ANO6: variants seen among roughly 807,000 people sequenced by gnomAD.
ANO6 encodes anoctamin-6.
Under a neutral mutation model 117.5 loss-of-function variants are expected in ANO6, and 106 were observed. The ratio of observed to expected loss-of-function variants is 0.90; its 90% CI spans 0.77 to 1.06. The LOEUF (loss-of-function observed/expected upper bound fraction) is 1.06. Among genes scored for constraint, ANO6 ranks in the 50% least tolerant of loss-of-function variants. The pLI is 0.00. For synonymous variants in ANO6, 367 were observed against 385.1 expected (o/e 0.95, Z 0.55); for missense variants, 955 against 1,121.1 (o/e 0.85, Z 2.12).
At chr12:45,293,196 A>G (rs1219393760) in intron 1 of ANO6, among the ~76,000 whole-genome samples, 1 of 152,224 alleles carries the variant, frequency 6.6e-6, no homozygotes, top group Admixed American at 6.5e-5. Context: ...CTGGAGTGAC[A>G]AATTTATAAT....
intron 1 of ANO6, among the ~76,000 whole-genome samples, chr12:45,252,025 A>T (rs117616755): frequency 0.015 from 2,212 of 152,272 alleles, 45 homozygotes; most frequent in East Asian, 0.068. Flanking sequence ...CTTAGGCTTT[A>T]TTATTGTTAT....
intron 1 of ANO6, among the ~76,000 whole-genome samples, chr12:45,253,983 A>G (rs755947864): frequency 6.6e-6 from 1 of 152,170 alleles, no homozygotes; most frequent in Non-Finnish European, 1.5e-5. Context: ...CCTGGCCAAC[A>G]TGGTGAAACC....
At chr12:45,318,989 T>A (rs1413830831) in intron 2 of ANO6, among the ~76,000 whole-genome samples, 3 of 152,214 alleles carry the variant, frequency 2.0e-5, no homozygotes, top group African/African-American at 7.2e-5. Context: ...TTGCTGAAGT[T>A]GCTTATCAGC....
chr12:45,216,260 C>A lies in ANO6; in HGVS notation c.-62C>A. On this transcript the variant is annotated 5_prime_UTR_variant, in exon 1 of 20. Transcript: ENST00000320560. ...GATCCGGCCCCTGGGAGAGCCGCGC[C>A]GTTCTGGAACCCGGGAGCCCCCAAC... 3.2e-6 allele frequency: 5 copies of A among 1,548,016 alleles called. No homozygotes were observed. The highest frequency in any genetic ancestry group is 4.4e-6 in the Non-Finnish European group (5 of 1,140,612).
intron 2 of ANO6, among the ~76,000 whole-genome samples, chr12:45,304,178 A>G (rs1361250484): frequency 2.0e-5 from 3 of 152,194 alleles, no homozygotes; most frequent in Non-Finnish European, 4.4e-5. Context: ...AGTAAACATA[A>G]ACTGCTGTCT....
At chr12:45,282,877 AG>A (rs1415493721) in intron 1 of ANO6, among the ~76,000 whole-genome samples, 1 of 152,214 alleles carries the variant, frequency 6.6e-6, no homozygotes, top group East Asian at 1.9e-4. Flanking sequence ...TAATAGTTTG[AG>A]GTGTATCCTT....
At chr12:45,404,541 C>T (rs942056862) in intron 15 of ANO6, among the ~76,000 whole-genome samples, 1 of 152,080 alleles carries the variant, frequency 6.6e-6, no homozygotes, top group African/African-American at 2.4e-5. Context: ...TGGGGTGAAT[C>T]TCTTTGCCTT....
intron 1 of ANO6, among the ~76,000 whole-genome samples, chr12:45,257,487 C>G (rs11182951): frequency 0.08 from 12,242 of 152,270 alleles, 731 homozygotes; most frequent in East Asian, 0.32. Context: ...CCACAAGTTG[C>G]ATCCCTTCTG....
intron 1 of ANO6, among the ~76,000 whole-genome samples, chr12:45,266,241 A>G (rs1938210226): frequency 6.6e-6 from 1 of 152,220 alleles, no homozygotes; most frequent in African/African-American, 2.4e-5. Flanking sequence ...TAGCTTAAAG[A>G]TTCTATAGGC....
intron 2 of ANO6, among the ~76,000 whole-genome samples, chr12:45,308,366 A>T (rs1939745424): frequency 6.6e-6 from 1 of 151,984 alleles, no homozygotes; most frequent in African/African-American, 2.4e-5. Context: ...AGTTCAGTAG[A>T]TTTGATAGGA....
chr12:45,440,118 A>T (rs1250899649), exon 20 of ANO6: 4 of 537,536 alleles, frequency 7.4e-6, no homozygotes, highest in Non-Finnish European at 1.1e-5. Flanking sequence ...TTATATGTAT[A>T]GTTTTTTGTT....
chr12:45,337,740 A>G (rs1438158104), intron 3 of ANO6, among the ~76,000 whole-genome samples: 1 of 152,018 alleles, frequency 6.6e-6, no homozygotes, highest in African/African-American at 2.4e-5. Context: ...AGCTGACTCT[A>G]TTTGATAATA....
chr12:45,326,003 C>T (rs1394914448), intron 2 of ANO6, among the ~76,000 whole-genome samples: 2 of 152,094 alleles, frequency 1.3e-5, no homozygotes, highest in African/African-American at 4.8e-5. Flanking sequence ...TTAAAGAATA[C>T]TGAAAATCCT....
rs2137543811 is a variant in ANO6, at chr12:45,377,436, A to G, written c.1105-617A>G. Among the ~76,000 whole-genome samples, 2 of 152,314 alleles carry G rather than the reference A, an allele frequency of 1.3e-5. 1 individual carries two copies. Among genetic ancestry groups the G allele is most frequent in the South Asian group, 4.1e-4 (2 of 4,824 alleles). On this transcript the variant is annotated intron_variant, in intron 9 of 19. Transcript: ENST00000320560. ...TTTATCATTCATGATCATTGTATTC[A>G]TTGTAATGTTAGCAAAAGCACCTCT...
At chr12:45,434,428 G>C (rs1459683807), downstream of ANO6, among the ~76,000 whole-genome samples, 1 of 152,176 alleles carries the variant, frequency 6.6e-6, no homozygotes, top group African/African-American at 2.4e-5. Flanking sequence ...ACACCGCTGG[G>C]CTTTTTCTCC....
chr12:45,314,515 G>A (rs968006514), intron 2 of ANO6, among the ~76,000 whole-genome samples: 2 of 149,950 alleles, frequency 1.3e-5, no homozygotes, highest in Admixed American at 1.3e-4. Flanking sequence ...ATACACATAT[G>A]TGTATATATC....
At chr12:45,244,402 TTG>T (rs1491397906) in intron 1 of ANO6, among the ~76,000 whole-genome samples, 2 of 105,618 alleles carry the variant, frequency 1.9e-5, no homozygotes, top group African/African-American at 8.7e-5. Flanking sequence ...GCTTCTCTAT[TTG>T]GGGGGGGGGG....
intron 12 of ANO6, among the ~76,000 whole-genome samples, chr12:45,399,227 C>T (rs58221634): frequency 0.032 from 4,931 of 152,110 alleles, 246 homozygotes; most frequent in African/African-American, 0.11. Flanking sequence ...GACAGGTTCT[C>T]GCTCTGTCGC....
At chr12:45,253,885 G>A (rs574813239) in intron 1 of ANO6, among the ~76,000 whole-genome samples, 116 of 152,258 alleles carry the variant, frequency 7.6e-4, no homozygotes, top group African/African-American at 2.7e-3. Context: ...AGGAAAGTTC[G>A]CCACGGAGTG....
Sources: gnomAD v4.1 joint callset for allele counts (sites outside exome capture counted in the v4.1 genomes callset) on GRCh38, gnomAD v4.1.1 for gene constraint, MANE v1.5 for transcripts, NCBI Gene and HGNC (gene_info 2026-07-23, HGNC 2026-07-21) for gene names.